PCDH15: variants seen among roughly 807,000 people sequenced by gnomAD.
The protein encoded by PCDH15 is protocadherin-15.
Under a neutral mutation model 178.5 loss-of-function variants are expected in PCDH15, and 129 were observed. That is an observed-to-expected ratio of 0.72 (90% confidence interval 0.63 to 0.84). The LOEUF (loss-of-function observed/expected upper bound fraction) is 0.84, where lower values mean the gene tolerates loss of function less well. PCDH15 is among the 40% of genes least tolerant of loss of function. The pLI is 0.00. For missense variants in PCDH15, 2,230 were observed against 2,099.9 expected, an observed-to-expected ratio of 1.06 and a Z score of -1.21; for synonymous variants, 800 against 732.0, an observed-to-expected ratio of 1.09 and a Z score of -1.50.
chr10:55,133,101 C>T (rs759283462), intron 2 of PCDH15, among the ~76,000 whole-genome samples: 37 of 152,164 alleles, frequency 2.4e-4, no homozygotes, highest in Non-Finnish European at 4.4e-4. Context: ...TGATCATTCA[C>T]TGGCTCTGTG....
At chr10:55,101,984 G>A (rs575053986) in intron 2 of PCDH15, among the ~76,000 whole-genome samples, 50 of 151,694 alleles carry the variant, frequency 3.3e-4, no homozygotes, top group Non-Finnish European at 6.3e-4. Flanking sequence ...AATCCACTGC[G>A]ATGAAAAGTT....
chr10:54,610,268 G>C (rs988993378), intron 2 of PCDH15, among the ~76,000 whole-genome samples: 2 of 151,700 alleles, frequency 1.3e-5, no homozygotes, highest in African/African-American at 4.8e-5. Context: ...TTTGTCCAAT[G>C]GTTTTAACCC....
chr10:53,888,028 C>T lies in PCDH15; in HGVS notation c.3501+15215G>A, dbSNP rs541416644. ...AAATACTATAATAATTTGACATCTA[C>T]TCCTTAATTTGGCAGTGCCATACAC... On this transcript the variant is annotated intron_variant, in intron 26 of 37. Transcript: ENST00000644397. Among the ~76,000 whole-genome samples, 4 of 151,856 alleles carry T rather than the reference C, an allele frequency of 2.6e-5. No individual in the cohort carries two copies. The South Asian group carries it at 8.3e-4, about 32-fold the overall frequency.
chr10:55,443,105 G>T (rs933655230), intron 2 of PCDH15, among the ~76,000 whole-genome samples: 1 of 151,988 alleles, frequency 6.6e-6, no homozygotes, highest in African/African-American at 2.4e-5. Flanking sequence ...AACTGAAACT[G>T]GACCCCTTCC....
intron 2 of PCDH15, among the ~76,000 whole-genome samples, chr10:54,545,006 C>T (rs143226972): frequency 1.3e-4 from 20 of 152,052 alleles, no homozygotes; most frequent in African/African-American, 4.8e-4. Flanking sequence ...CAATTTAGTC[C>T]CTCTAATCAC....
At chr10:53,964,526 A>T (rs11003951) in intron 21 of PCDH15, among the ~76,000 whole-genome samples, 1,555 of 139,842 alleles carry the variant, frequency 0.011, 26 homozygotes, top group African/African-American at 0.035. Flanking sequence ...ATTTATAAAA[A>T]ATTTATTTGC....
chr10:54,623,894 T>C (rs115612702), intron 2 of PCDH15, among the ~76,000 whole-genome samples: 1,847 of 152,172 alleles, frequency 0.012, 28 homozygotes, highest in African/African-American at 0.037. Flanking sequence ...AACAGGAAGA[T>C]TTGGAAACTG....
At chr10:54,343,407 T>G (rs1942628897) in intron 6 of PCDH15, among the ~76,000 whole-genome samples, 1 of 152,160 alleles carries the variant, frequency 6.6e-6, no homozygotes, top group Non-Finnish European at 1.5e-5. Context: ...GATTGTAAGT[T>G]TCCTGAGGCC....
intron 2 of PCDH15, among the ~76,000 whole-genome samples, chr10:55,533,088 A>T (rs767574816): frequency 6.6e-6 from 1 of 152,006 alleles, no homozygotes; most frequent in Non-Finnish European, 1.5e-5. Context: ...TCAAATTAGT[A>T]ATAGCCATTT....
intron 26 of PCDH15, among the ~76,000 whole-genome samples, chr10:53,892,581 C>T (rs2133505951): frequency 6.6e-6 from 1 of 152,136 alleles, no homozygotes; most frequent in Admixed American, 6.5e-5. Flanking sequence ...GTATACTCAA[C>T]TGACATCTAA....
chr10:53,822,998 C>A, intron 32 of PCDH15: 1 of 1,614,076 alleles, frequency 6.2e-7, no homozygotes, highest in Non-Finnish European at 8.5e-7. Flanking sequence ...AGCTGACTGA[C>A]TGACTCCACA....
chr10:53,861,020 CT>C (rs2079074163), intron 27 of PCDH15, among the ~76,000 whole-genome samples: 1 of 152,080 alleles, frequency 6.6e-6, no homozygotes, highest in South Asian at 2.1e-4. Context: ...GTGCTAATGT[CT>C]GGTTTATGTA....
chr10:54,060,930 A>T (rs1288687759), intron 18 of PCDH15, among the ~76,000 whole-genome samples: 1 of 152,018 alleles, frequency 6.6e-6, no homozygotes, highest in Non-Finnish European at 1.5e-5. Flanking sequence ...CAGGCTTTTA[A>T]AGGTAAGTGG....
chr10:55,112,521 G>A (rs1395578539), intron 2 of PCDH15, among the ~76,000 whole-genome samples: 1 of 152,120 alleles, frequency 6.6e-6, no homozygotes, highest in Non-Finnish European at 1.5e-5. Flanking sequence ...GTGTAGGTGA[G>A]CAAGAAGCAA....
chr10:55,349,820 G>T (rs1844863156), intron 2 of PCDH15, among the ~76,000 whole-genome samples: 1 of 152,070 alleles, frequency 6.6e-6, no homozygotes, highest in Non-Finnish European at 1.5e-5. Flanking sequence ...GCCTTAGAGA[G>T]AGAGCATGCA....
At chr10:55,056,644 A>ATTATTAT (rs1841313213) in intron 2 of PCDH15, among the ~76,000 whole-genome samples, 1 of 100,418 alleles carries the variant, frequency 1.0e-5, no homozygotes, top group Non-Finnish European at 2.3e-5. Flanking sequence ...ATTATTATTA[A>ATTATTAT]TATTTTGAGA....
chr10:55,575,408 T>C (rs949258200), intron 2 of PCDH15, among the ~76,000 whole-genome samples: 5 of 152,078 alleles, frequency 3.3e-5, no homozygotes, highest in Non-Finnish European at 2.9e-5. Flanking sequence ...AAAGTGTATG[T>C]TTTTTCAAAA....
At chr10:55,217,040 A>G (rs922946518) in intron 1 of PCDH15, among the ~76,000 whole-genome samples, 35 of 152,080 alleles carry the variant, frequency 2.3e-4, no homozygotes, top group Non-Finnish European at 4.1e-4. Flanking sequence ...TGATTGGAAC[A>G]TACATGCAAC....
At chr10:54,886,627 T>C (rs1401203087) in intron 3 of PCDH15, among the ~76,000 whole-genome samples, 3 of 152,192 alleles carry the variant, frequency 2.0e-5, no homozygotes, top group Admixed American at 6.5e-5. Context: ...GCGGGTGTGG[T>C]GGCACATGTC....
Sources: allele counts gnomAD v4.1 joint callset (sites outside exome capture counted in the v4.1 genomes callset), GRCh38; gene constraint gnomAD v4.1.1; transcripts MANE v1.5; gene names NCBI Gene and HGNC (gene_info 2026-07-23, HGNC 2026-07-21).